Variants in CDH18 observed in about 807,000 individuals in gnomAD.
CDH18 encodes the protein cadherin-18.
In CDH18, 31 loss-of-function variants were observed where a neutral mutation model predicts 67.9. The observed-to-expected ratio is 0.46, with a 90% confidence interval of 0.34 to 0.62. CDH18 has a LOEUF of 0.62. Among genes scored for constraint, CDH18 ranks in the 20% least tolerant of loss-of-function variants. The pLI, the probability that CDH18 is intolerant of heterozygous loss-of-function variation, is 0.01. For synonymous variants in CDH18, 362 were observed against 347.2 expected, an observed-to-expected ratio of 1.04 and a Z score of -0.48; for missense variants, 890 against 975.5, an observed-to-expected ratio of 0.91 and a Z score of 1.17.
intron 1 of CDH18, among the ~76,000 whole-genome samples, chr5:20,377,090 C>T (rs888487432): frequency 7.9e-5 from 12 of 151,992 alleles, no homozygotes; most frequent in African/African-American, 2.9e-4. Flanking sequence ...GAAGCGGTCA[C>T]TTCCCTCACT....
At chr5:19,783,076 T>A (rs910979777) in intron 3 of CDH18, among the ~76,000 whole-genome samples, 2 of 152,224 alleles carry the variant, frequency 1.3e-5, no homozygotes, top group Non-Finnish European at 2.9e-5. Context: ...GAAAGTTCTT[T>A]GCTGCTCTAA....
At chr5:20,442,058 G>A (rs554311217) in intron 1 of CDH18, among the ~76,000 whole-genome samples, 2 of 151,976 alleles carry the variant, frequency 1.3e-5, no homozygotes, top group South Asian at 2.1e-4. Flanking sequence ...CATCTATCTT[G>A]TTAATTGCAT....
intron 1 of CDH18, among the ~76,000 whole-genome samples, chr5:20,567,807 C>G (rs996149165): frequency 6.6e-6 from 1 of 152,090 alleles, no homozygotes; most frequent in Admixed American, 6.5e-5. Flanking sequence ...AGTTTAATGA[C>G]TGGGACAGTT....
intron 2 of CDH18, among the ~76,000 whole-genome samples, chr5:19,844,935 C>T (rs1215552231): frequency 6.6e-6 from 1 of 152,068 alleles, no homozygotes; most frequent in Non-Finnish European, 1.5e-5. Flanking sequence ...TTATTTGTTG[C>T]TTTTTATGCC....
At chr5:20,562,610 G>T (rs1008726960) in intron 1 of CDH18, among the ~76,000 whole-genome samples, 1 of 151,462 alleles carries the variant, frequency 6.6e-6, no homozygotes, top group Non-Finnish European at 1.5e-5. Context: ...TATTAAAAAT[G>T]CTATAATTAC....
At chr5:19,582,545 T>A (rs1207652226) in intron 7 of CDH18, among the ~76,000 whole-genome samples, 3 of 152,162 alleles carry the variant, frequency 2.0e-5, no homozygotes, top group Admixed American at 2.0e-4. Context: ...AAACTTGGAA[T>A]TCCTCTATCA....
chr5:19,688,310 C>T (rs774499168), intron 5 of CDH18, among the ~76,000 whole-genome samples: 1 of 152,146 alleles, frequency 6.6e-6, no homozygotes, highest in Non-Finnish European at 1.5e-5. Flanking sequence ...TCATGCTTAT[C>T]CTATCATTGG....
intron 2 of CDH18, among the ~76,000 whole-genome samples, chr5:19,976,392 T>TA (rs1165496556): frequency 1.5e-4 from 23 of 152,010 alleles, no homozygotes; most frequent in African/African-American, 5.1e-4. Flanking sequence ...AACACGCACA[T>TA]ACACACACAT....
chr5:20,480,884 T>C (rs1752758657), intron 1 of CDH18, among the ~76,000 whole-genome samples: 6 of 151,834 alleles, frequency 4.0e-5, no homozygotes, highest in Non-Finnish European at 7.4e-5. Context: ...AAGTGAGAAA[T>C]TGAAACATAC....
chr5:19,670,200 T>C (rs1386844635), intron 5 of CDH18, among the ~76,000 whole-genome samples: 1 of 152,114 alleles, frequency 6.6e-6, no homozygotes, highest in African/African-American at 2.4e-5. Flanking sequence ...ATGAAGATAA[T>C]GTCTTTCAGT....
chr5:19,921,525 C>T lies in CDH18; in HGVS notation c.-257+59535G>A, dbSNP rs545112682. Among the ~76,000 whole-genome samples, 444 of 141,842 alleles carry T rather than the reference C, an allele frequency of 3.1e-3. 3 individuals carry two copies. The highest frequency in any genetic ancestry group is 9.5e-3 in the African/African-American group (342 of 35,842). 93.1% of individuals were successfully genotyped at this position (141,842 alleles called of 152,430 possible). On this transcript the variant is annotated intron_variant, in intron 2 of 12. Transcript: ENST00000382275. ...TAGCCTGGGCAACATAGCGAGACTC[C>T]GTCTCAAAAAAAAAAAAAAAGCCAA...
intron 2 of CDH18, among the ~76,000 whole-genome samples, chr5:20,109,988 A>G (rs1247035441): frequency 6.6e-6 from 1 of 152,220 alleles, no homozygotes; most frequent in Non-Finnish European, 1.5e-5. Context: ...ACTAGTTTGG[A>G]ATTGTCAATG....
intron 1 of CDH18, among the ~76,000 whole-genome samples, chr5:20,429,917 T>A (rs1748605403): frequency 6.6e-6 from 1 of 152,148 alleles, no homozygotes; most frequent in African/African-American, 2.4e-5. Flanking sequence ...AATAAGTCCA[T>A]TCCAAAGAAA....
chr5:20,087,868 A>C (rs1265285090), intron 2 of CDH18, among the ~76,000 whole-genome samples: 1 of 152,124 alleles, frequency 6.6e-6, no homozygotes, highest in Non-Finnish European at 1.5e-5. Flanking sequence ...TGTAACTTAG[A>C]ATAAAAAACA....
At chr5:20,327,299 C>G (rs1738691663) in intron 1 of CDH18, among the ~76,000 whole-genome samples, 1 of 152,160 alleles carries the variant, frequency 6.6e-6, no homozygotes, top group South Asian at 2.1e-4. Context: ...CCTCTACTCT[C>G]TCTTGCTTAC....
At chr5:19,573,318 A>G (rs549599889) in intron 7 of CDH18, among the ~76,000 whole-genome samples, 127 of 150,520 alleles carry the variant, frequency 8.4e-4, no homozygotes, top group Non-Finnish European at 1.7e-3. Context: ...TCTCTCTGTC[A>G]CCCAGGCTGG....
At chr5:20,364,266 GACAC>G (rs144767409) in intron 1 of CDH18, among the ~76,000 whole-genome samples, 3,464 of 149,574 alleles carry the variant, frequency 0.023, 101 homozygotes, top group East Asian at 0.075. Flanking sequence ...CACACACAGA[GACAC>G]ACACACACAC....
In CDH18 at chr5:20,553,535, C is replaced by A. The variant is rs189309514; in HGVS notation, c.-580+21927G>T. 6.0e-3 allele frequency among the ~76,000 whole-genome samples: 908 copies of A among 152,198 alleles called. 3 individuals are homozygous for A. Among genetic ancestry groups the A allele is most frequent in the Non-Finnish European group, 8.5e-3 (576 of 68,012 alleles). On this transcript the variant is annotated intron_variant, in intron 1 of 14. Coordinates refer to the CDH18 transcript ENST00000507958. ...ACATACCATGAAGATGAAAACTCCC[C>A]ATATTACAGATGAAGAATCTTGGTA...
chr5:19,818,097 C>T (rs796110266), intron 3 of CDH18, among the ~76,000 whole-genome samples: 43 of 152,246 alleles, frequency 2.8e-4, no homozygotes, highest in African/African-American at 1.0e-3. Flanking sequence ...GACACACAGA[C>T]TGTAGCTTAA....
Sources: gnomAD v4.1 joint callset for allele counts (sites outside exome capture counted in the v4.1 genomes callset) on GRCh38, gnomAD v4.1.1 for gene constraint, MANE v1.5 for transcripts, NCBI Gene and HGNC (gene_info 2026-07-23, HGNC 2026-07-21) for gene names.